ZNF444: variants seen among roughly 807,000 people sequenced by gnomAD.
ZNF444 encodes endothelial zinc finger protein 2.
In ZNF444, 8 loss-of-function variants were observed where a neutral mutation model predicts 14.4. The ratio of observed to expected loss-of-function variants is 0.56; its 90% CI spans 0.33 to 1.00. The LOEUF is 1.00. Ranked by LOEUF, ZNF444 falls within the 50% of genes least tolerant of loss-of-function variation. The pLI, the probability that ZNF444 is intolerant of heterozygous loss-of-function variation, is 0.03. For synonymous variants in ZNF444, 258 were observed against 235.9 expected (o/e 1.09, Z -0.86); for missense variants, 510 against 504.8 (o/e 1.01, Z -0.10).
At position 56,159,700 on chromosome 19, in the gene ZNF444, C is replaced by A. The variant is rs1177559494; in HGVS notation, c.483C>A (p.Ser161Arg). Residue 161 changes from serine to arginine, a missense_variant, in exon 5 of 5, where the codon AGC (serine) becomes AGA (arginine). Ser to Arg is a moderately radical substitution (Grantham distance 110, BLOSUM62 -1). Coordinates refer to ENST00000337080, the MANE Select transcript of ZNF444 (RefSeq NM_018337.4). ...TGCGCCCCTACAAGCAGGAGCCCAGCAGCCCCCCGCTGGCGCCTGGCCTGC... is the reference window on the plus strand; with the variant it reads ...TGCGCCCCTACAAGCAGGAGCCCAGAAGCCCCCCGCTGGCGCCTGGCCTGC... ...QAVRPYKQEP[S>R]SPPLAPGLPA... The A allele has an allele frequency of 6.5e-7, 1 of 1,545,438 alleles. No individual in the cohort carries two copies. Among genetic ancestry groups the A allele is most frequent in the East Asian group, 2.4e-5 (1 of 41,372 alleles).
At chr19:56,155,305 G>A (rs2123537198) in intron 3 of ZNF444, 1 of 152,762 alleles carries the variant, frequency 6.5e-6, no homozygotes, top group African/African-American at 2.4e-5. Context: ...ACAACCTGCA[G>A]GGGGTGCTGC....
rs1260567034 is a variant in ZNF444, at chr19:56,159,698, A to T, written c.481A>T (p.Ser161Cys). Residue 161 changes from serine to cysteine, a missense_variant, in exon 5 of 5, where the codon AGC becomes TGC. Transcript: ENST00000337080. Reference protein sequence around the residue: ...QAVRPYKQEPSSPPLAPGLPA... With the variant: ...QAVRPYKQEPCSPPLAPGLPA... ...TGTGCGCCCCTACAAGCAGGAGCCC[A>T]GCAGCCCCCCGCTGGCGCCTGGCCT... 6.5e-7 allele frequency: 1 copy of T among 1,545,110 alleles called. No homozygotes were observed. The highest frequency in any genetic ancestry group is 8.7e-7 in the Non-Finnish European group (1 of 1,149,866).
At chr19:56,143,789 GAA>G (rs1403138567) in intron 1 of ZNF444, among the ~76,000 whole-genome samples, 4 of 152,186 alleles carry the variant, frequency 2.6e-5, no homozygotes, top group African/African-American at 9.7e-5. Context: ...AATGCTGAAA[GAA>G]AACTAATAAG....
chr19:56,158,063 C>A, intron 3 of ZNF444: 1 of 155,762 alleles, frequency 6.4e-6, no homozygotes. Context: ...GCACTTTATC[C>A]AAAGGGCAGG....
chr19:56,148,177 G>T (rs1434145873), intron 3 of ZNF444, among the ~76,000 whole-genome samples: 1 of 152,238 alleles, frequency 6.6e-6, no homozygotes, highest in African/African-American at 2.4e-5. Context: ...CTCTCCCATG[G>T]CTGGTGGCTG....
chr19:56,153,017 A>C (rs542592499), intron 3 of ZNF444, among the ~76,000 whole-genome samples: 1 of 152,100 alleles, frequency 6.6e-6, no homozygotes, highest in East Asian at 1.9e-4. Flanking sequence ...GTTAGTCTGG[A>C]TGCATCCTCT....
chr19:56,133,233 C>T (rs1266051077), intron 1 of ZNF444, among the ~76,000 whole-genome samples: 1 of 150,262 alleles, frequency 6.7e-6, no homozygotes, highest in Admixed American at 6.6e-5. Flanking sequence ...CCACCATGCC[C>T]GGCTAATTTT....
chr19:56,150,182 G>T (rs932460957), intron 3 of ZNF444: 4 of 196,292 alleles, frequency 2.0e-5, no homozygotes, highest in Admixed American at 1.1e-4. Flanking sequence ...TTCAGCCACT[G>T]TTACCACTCT....
intron 3 of ZNF444, chr19:56,150,637 A>G (rs952855933): frequency 2.4e-5 from 11 of 456,158 alleles, no homozygotes; most frequent in African/African-American, 2.0e-4. Context: ...ACATGGTCTT[A>G]AGTCAGTGTT....
At chr19:56,154,233 G>A (rs759034677) in intron 3 of ZNF444, 11 of 152,338 alleles carry the variant, frequency 7.2e-5, no homozygotes, top group African/African-American at 2.2e-4. Flanking sequence ...AGACCTTCGC[G>A]TATAGAAGGC....
rs2031302470 is a variant in ZNF444, at chr19:56,147,878, G to A, written c.297+670G>A. 6.6e-6 allele frequency among the ~76,000 whole-genome samples: 1 copy of A among 152,150 alleles called. No homozygotes were observed. Among genetic ancestry groups the A allele is most frequent in the African/African-American group, 2.4e-5 (1 of 41,434 alleles). ...GTTTCTTGACCACACAGCAGGCAAG[G>A]GCCGACTCACGTTCTGGGTGAAGTC... is the stretch of plus-strand genomic sequence containing the variant. On this transcript the variant is annotated intron_variant, in intron 3 of 4. Transcript: ENST00000337080. The surrounding 1 kb of genome is among the most constrained non-coding windows in gnomAD (Gnocchi z 5.9).
At chr19:56,158,334 C>A in intron 3 of ZNF444, 160 bp from the exon 4 acceptor site, 1 of 640,712 alleles carries the variant, frequency 1.6e-6, no homozygotes, top group Non-Finnish European at 2.5e-6. Context: ...GGTTCCTCAC[C>A]TGGGGGCCTC....
upstream of ZNF444, among the ~76,000 whole-genome samples, chr19:56,138,948 C>A (rs990980461): frequency 6.6e-6 from 1 of 151,862 alleles, no homozygotes; most frequent in African/African-American, 2.4e-5. Flanking sequence ...AGGTGCCCGC[C>A]ACCATGCCCA....
At chr19:56,159,538 G>A (rs2032136118) in intron 4 of ZNF444, 86 bp from the exon 5 acceptor site, 3 of 1,221,416 alleles carry the variant, frequency 2.5e-6, no homozygotes, top group African/African-American at 1.6e-5. Flanking sequence ...GCCTTTAAGC[G>A]TTCCCTCCCT....
upstream of ZNF444, among the ~76,000 whole-genome samples, chr19:56,136,489 T>G (rs1599982566): frequency 1.3e-5 from 2 of 152,196 alleles, no homozygotes; most frequent in Non-Finnish European, 2.9e-5. Context: ...GAGTCAACTT[T>G]GCATTTGAGC....
intron 3 of ZNF444, chr19:56,151,917 G>T (rs1196421383): frequency 4.4e-6 from 2 of 456,804 alleles, no homozygotes; most frequent in Non-Finnish European, 8.8e-6. Flanking sequence ...GGCATCTGGT[G>T]TGTGGGTCCT....
intron 1 of ZNF444, among the ~76,000 whole-genome samples, chr19:56,133,306 C>T (rs1026637180): frequency 2.0e-5 from 3 of 151,850 alleles, no homozygotes; most frequent in African/African-American, 7.2e-5. Context: ...CTCCTGACCT[C>T]AGGTGATCCA....
In ZNF444 at chr19:56,159,654, C is replaced by A; in HGVS notation, c.437C>A (p.Ala146Glu). The A allele has an allele frequency of 6.8e-7, 1 of 1,464,188 alleles. No individual in the cohort carries two copies. The highest frequency in any genetic ancestry group is 9.0e-7 in the Non-Finnish European group (1 of 1,112,456). 90.7% of individuals were successfully genotyped at this position (1,464,188 alleles called of 1,614,324 possible). ...AGTAPGAEGP[A>E]PGDSQAVRPY... The stretch of plus-strand genomic sequence containing the variant: ...ACCGCCCCTGGGGCTGAGGGGCCGG[C>A]GCCTGGGGACTCCCAGGCTGTGCGC... The change falls in exon 5 of 5, where the codon GCG becomes GAG. Residue 146 changes from alanine (A) to glutamate (E), a missense_variant. Transcript: ENST00000337080.
rs750470476 is a variant in ZNF444, at chr19:56,159,702, G to GC, written c.491dup (p.Leu165AlafsTer47). 4 of 1,547,446 alleles carry GC rather than the reference G, an allele frequency of 2.6e-6. No homozygotes were observed. Among genetic ancestry groups the GC allele is most frequent in the African/African-American group, 2.7e-5 (2 of 73,138 alleles). ...CGCCCCTACAAGCAGGAGCCCAGCA[G>GC]CCCCCCGCTGGCGCCTGGCCTGCCC... On this transcript the variant is annotated frameshift_variant, in exon 5 of 5. Transcript: ENST00000337080. LOFTEE classifies it low-confidence loss of function (END_TRUNC).
Sources: allele counts gnomAD v4.1 joint callset (sites outside exome capture counted in the v4.1 genomes callset), GRCh38; gene constraint gnomAD v4.1.1; non-coding constraint Gnocchi (gnomAD v3.1); transcripts MANE v1.5; gene names NCBI Gene and HGNC (gene_info 2026-07-23, HGNC 2026-07-21).